Variants in PAK5 observed in about 807,000 individuals in gnomAD.
The protein encoded by PAK5 is serine/threonine-protein kinase PAK 5.
Under a neutral mutation model 65.9 loss-of-function variants are expected in PAK5, and 16 were observed. The ratio of observed to expected loss-of-function variants is 0.24; its 90% confidence interval spans 0.16 to 0.37. The LOEUF is 0.37. PAK5 is among the 10% of genes least tolerant of loss of function. PAK5 has a pLI of 1.00. For missense variants in PAK5, 785 were observed against 903.9 expected (o/e 0.87, Z 1.69); for synonymous variants, 371 against 354.9 (o/e 1.05, Z -0.51).
At chr20:9,742,637 C>T (rs374286886) in intron 1 of PAK5, among the ~76,000 whole-genome samples, 1 of 152,116 alleles carries the variant, frequency 6.6e-6, no homozygotes, top group African/African-American at 2.4e-5. Context: ...ATTCCTGTTG[C>T]AGAAAACTCT....
intron 1 of PAK5, among the ~76,000 whole-genome samples, chr20:9,811,031 A>G (rs1439148200): frequency 6.6e-6 from 1 of 152,188 alleles, no homozygotes; most frequent in Admixed American, 6.5e-5. Context: ...GAAGCAGTAT[A>G]ATGGTTTATG....
chr20:9,650,125 T>A (rs764876235), intron 2 of PAK5, among the ~76,000 whole-genome samples: 2 of 152,216 alleles, frequency 1.3e-5, no homozygotes, highest in Non-Finnish European at 2.9e-5. Context: ...CAGATATGCA[T>A]AGCTCCTGTA....
intron 7 of PAK5, 134 bp from the exon 8 acceptor site, chr20:9,544,628 G>A (rs1368219496): frequency 4.0e-6 from 3 of 754,752 alleles, no homozygotes; most frequent in East Asian, 5.3e-5. Context: ...TCAGAGGAGG[G>A]ACTGTCAGAC....
intron 1 of PAK5, among the ~76,000 whole-genome samples, chr20:9,756,339 T>C (rs1199388698): frequency 6.6e-6 from 1 of 152,166 alleles, no homozygotes; most frequent in Non-Finnish European, 1.5e-5. Flanking sequence ...GGTTCTCTGA[T>C]GCATTGGGTG....
At chr20:9,785,658 A>G (rs2048984651) in intron 1 of PAK5, among the ~76,000 whole-genome samples, 1 of 152,106 alleles carries the variant, frequency 6.6e-6, no homozygotes, top group African/African-American at 2.4e-5. Context: ...CTTAGAGGGG[A>G]AAAAAATGTC....
intron 3 of PAK5, among the ~76,000 whole-genome samples, chr20:9,630,231 T>C (rs1330953151): frequency 6.6e-6 from 1 of 152,268 alleles, no homozygotes; most frequent in African/African-American, 2.4e-5. Flanking sequence ...ATGAAGAGGT[T>C]CACTCTCAGG....
At chr20:9,771,582 A>ATTTTTTTTTTTTTTT (rs545140358) in intron 1 of PAK5, among the ~76,000 whole-genome samples, 8 of 109,758 alleles carry the variant, frequency 7.3e-5, no homozygotes, top group Non-Finnish European at 1.2e-4. Flanking sequence ...CAATTTTTTA[A>ATTTTTTTTTTTTTTT]TTTTTTTTTT....
Position 9,786,237 on chromosome 20 carries a change from G to C in PAK5, c.-162+52525C>G, listed in dbSNP as rs186219756. 4.5e-3 allele frequency among the ~76,000 whole-genome samples: 689 copies of C among 152,128 alleles called. 3 individuals are homozygous for C. Among genetic ancestry groups the C allele is most frequent in the Non-Finnish European group, 7.2e-3 (493 of 68,008 alleles). On this transcript the variant is annotated intron_variant, in intron 1 of 9. Transcript: ENST00000353224. The stretch of plus-strand genomic sequence containing the variant: ...ATTCCCATGCCCAGCTGGAAGGGAG[G>C]CTGGGAAGTTGAGTATTTGAGCTTT...
At position 9,538,640 on chromosome 20, in the gene PAK5, A is replaced by G. The variant is rs751903137; in HGVS notation, c.*822T>C. The G allele has an allele frequency of 1.7e-5, 4 of 233,214 alleles. No homozygotes were observed. Among genetic ancestry groups the G allele is most frequent in the Non-Finnish European group, 3.4e-5 (4 of 117,846 alleles). 14.4% of individuals were successfully genotyped at this position (233,214 alleles called of 1,614,324 possible). A position where few individuals can be genotyped will look rare whatever the true frequency, so the allele number is the denominator to read the frequency against. ...GTGGTGTGCAAAAGAATGGTTTGCT[A>G]CTAGAGGCGTTCATGGAAAATGTGA... On this transcript the variant is annotated 3_prime_UTR_variant, in exon 10 of 10. Coordinates refer to ENST00000353224, the MANE Select transcript of PAK5 (RefSeq NM_177990.4).
At chr20:9,728,331 G>A (rs982472433) in intron 1 of PAK5, among the ~76,000 whole-genome samples, 4 of 152,068 alleles carry the variant, frequency 2.6e-5, no homozygotes, top group South Asian at 2.1e-4. Context: ...ACCCAATCCC[G>A]GGTACTTTGT....
chr20:9,580,058 A>G (rs975113209), intron 4 of PAK5, 87 bp downstream of exon 4: 79 of 1,172,234 alleles, frequency 6.7e-5, no homozygotes, highest in Non-Finnish European at 9.3e-5. Context: ...CAAGTACTTT[A>G]CAATCCAATC....
chr20:9,607,280 C>A (rs1377104573), intron 3 of PAK5, among the ~76,000 whole-genome samples: 1 of 152,126 alleles, frequency 6.6e-6, no homozygotes, highest in East Asian at 1.9e-4. Flanking sequence ...AAAGTGTCAG[C>A]CAAAGGAAAA....
At chr20:9,788,121 G>C (rs1600375009) in intron 1 of PAK5, among the ~76,000 whole-genome samples, 1 of 152,148 alleles carries the variant, frequency 6.6e-6, no homozygotes, top group South Asian at 2.1e-4. Flanking sequence ...TTTGTTCAAT[G>C]TGATTTTATA....
intron 1 of PAK5, among the ~76,000 whole-genome samples, chr20:9,775,128 A>G (rs2123685707): frequency 6.6e-6 from 1 of 152,302 alleles, no homozygotes; most frequent in African/African-American, 2.4e-5. Flanking sequence ...CTGGAAAGAG[A>G]CATAAGGATC....
At chr20:9,587,393 G>A (rs1018344879) in intron 3 of PAK5, among the ~76,000 whole-genome samples, 5 of 151,998 alleles carry the variant, frequency 3.3e-5, no homozygotes, top group African/African-American at 4.8e-5. Context: ...TCTAAAAAGC[G>A]GAATACTTTC....
intron 7 of PAK5, among the ~76,000 whole-genome samples, chr20:9,548,659 C>T (rs1253807391): frequency 6.6e-6 from 1 of 152,234 alleles, no homozygotes; most frequent in South Asian, 2.1e-4. Context: ...AAAACAAATG[C>T]TACTAGATTT....
At chr20:9,821,292 A>G (rs2049417969) in intron 1 of PAK5, among the ~76,000 whole-genome samples, 2 of 152,016 alleles carry the variant, frequency 1.3e-5, no homozygotes, top group African/African-American at 4.8e-5. Flanking sequence ...GAGGTGGGAG[A>G]ATTGCTTGAA....
At chr20:9,782,842 A>G (rs914617443) in intron 1 of PAK5, among the ~76,000 whole-genome samples, 2 of 151,758 alleles carry the variant, frequency 1.3e-5, no homozygotes, top group African/African-American at 2.4e-5. Flanking sequence ...GGCCCCACCC[A>G]CCACCATCGT....
At chr20:9,709,392 G>A (rs1569052331) in intron 2 of PAK5, among the ~76,000 whole-genome samples, 1 of 152,176 alleles carries the variant, frequency 6.6e-6, no homozygotes, top group Non-Finnish European at 1.5e-5. Flanking sequence ...GCTGTGAAAA[G>A]TCTAAAACCC....
Sources: allele counts gnomAD v4.1 joint callset (sites outside exome capture counted in the v4.1 genomes callset), GRCh38; gene constraint gnomAD v4.1.1; transcripts MANE v1.5; gene names NCBI Gene and HGNC (gene_info 2026-07-23, HGNC 2026-07-21).